Variants in ARL15 observed in about 807,000 individuals in gnomAD.
ARL15 encodes ARF like GTPase 15.
In ARL15, 19 loss-of-function variants were observed where a neutral mutation model predicts 25.2. The observed-to-expected ratio is 0.75, with a 90% CI of 0.53 to 1.10. ARL15 has a LOEUF of 1.10. ARL15 is among the 50% of genes least tolerant of loss of function. ARL15 has a pLI of 0.00. For missense variants in ARL15, 220 were observed against 246.0 expected, an observed-to-expected ratio of 0.89 and a Z score of 0.71; for synonymous variants, 94 against 86.8, an observed-to-expected ratio of 1.08 and a Z score of -0.46.
rs147640948 is a variant in ARL15 at position 54,247,966 on chromosome 5, C to T, written c.48+62466G>A. Among the ~76,000 whole-genome samples the T allele has an allele frequency of 3.2e-4, 49 of 151,690 alleles. No individual in the cohort carries two copies. In the East Asian group the frequency reaches 7.6e-3, roughly 23 times the overall value. ...AAGATGATGGAGCTTTTTTACAGCA[C>T]GAAGACAAAAATTCCTAGCTTTGGA... On this transcript the variant is annotated intron_variant, in intron 1 of 4. Coordinates refer to ENST00000504924, the MANE Select transcript of ARL15 (RefSeq NM_019087.3).
intron 4 of ARL15, among the ~76,000 whole-genome samples, chr5:54,028,264 G>A (rs1349485994): frequency 1.3e-5 from 2 of 151,968 alleles, no homozygotes; most frequent in African/African-American, 2.4e-5. Context: ...TTATATAAAT[G>A]ATGAATCATT....
At position 54,215,515 on chromosome 5, in the gene ARL15, G is replaced by GA. The variant is rs956155110; in HGVS notation, c.49-43588dup. 6.1e-5 allele frequency among the ~76,000 whole-genome samples: 9 copies of GA among 148,196 alleles called. 1 individual carries two copies. Among genetic ancestry groups the GA allele is most frequent in the African/African-American group, 2.2e-4 (9 of 40,368 alleles). On this transcript the variant is annotated intron_variant, in intron 1 of 4. Transcript: ENST00000504924. ...TCAAAGCACATGCTAATGCTATCAT[G>GA]AAGTCATACACATAAAAAATTCAAT...
intron 1 of ARL15, among the ~76,000 whole-genome samples, chr5:54,304,691 T>C (rs1436546679): frequency 6.6e-6 from 1 of 152,222 alleles, no homozygotes; most frequent in African/African-American, 2.4e-5. Context: ...ATTTTTATCT[T>C]ATAAATTATT....
chr5:54,160,174 TCTAA>T (rs752902667), intron 2 of ARL15, among the ~76,000 whole-genome samples: 1 of 152,238 alleles, frequency 6.6e-6, no homozygotes, highest in African/African-American at 2.4e-5. Context: ...ACGAAATTCT[TCTAA>T]CTATGATTTC....
At chr5:53,951,847 A>ATTTT (rs59369848) in intron 4 of ARL15, among the ~76,000 whole-genome samples, 1 of 98,236 alleles carries the variant, frequency 1.0e-5, no homozygotes. Flanking sequence ...ACATAAAAGA[A>ATTTT]TTTTTTTTTT....
intron 3 of ARL15, among the ~76,000 whole-genome samples, chr5:54,125,455 C>T (rs1753218568): frequency 6.6e-6 from 1 of 152,154 alleles, no homozygotes; most frequent in Admixed American, 6.5e-5. Flanking sequence ...CAGTCTAACG[C>T]TGCCCCCACA....
chr5:53,916,423 A>C (rs977247551), intron 4 of ARL15, among the ~76,000 whole-genome samples: 1 of 134,178 alleles, frequency 7.5e-6, no homozygotes, highest in Non-Finnish European at 1.6e-5. Flanking sequence ...CTGGGTGACA[A>C]AATGATTTGT....
intron 3 of ARL15, among the ~76,000 whole-genome samples, chr5:54,132,186 T>C (rs1331358313): frequency 6.6e-6 from 1 of 152,124 alleles, no homozygotes; most frequent in Non-Finnish European, 1.5e-5. Flanking sequence ...AATATGTATA[T>C]GGATGAACAC....
chr5:54,172,069 A>G (rs778010917), intron 1 of ARL15, 141 bp from the exon 2 acceptor site: 8 of 1,022,572 alleles, frequency 7.8e-6, no homozygotes, highest in Non-Finnish European at 1.1e-5. Flanking sequence ...TAACTTTAGA[A>G]CAGTGAAACC....
chr5:54,256,167 A>G (rs1757355868), intron 1 of ARL15, among the ~76,000 whole-genome samples: 1 of 152,112 alleles, frequency 6.6e-6, no homozygotes, highest in African/African-American at 2.4e-5. Context: ...CATTAGCTAC[A>G]CTAACCAAGA....
intron 1 of ARL15, among the ~76,000 whole-genome samples, chr5:54,305,653 T>G (rs1179599252): frequency 6.6e-6 from 1 of 152,188 alleles, no homozygotes; most frequent in African/African-American, 2.4e-5. Context: ...AAGTTTAATG[T>G]GTAAATTAGG....
intron 4 of ARL15, among the ~76,000 whole-genome samples, chr5:54,069,754 TCTC>T (rs1751362829): frequency 1.3e-5 from 2 of 151,292 alleles, no homozygotes; most frequent in Non-Finnish European, 2.9e-5. Context: ...TTCAAGCAAT[TCTC>T]CTGCCTCCTG....
chr5:54,148,988 T>G (rs1021789991), intron 3 of ARL15, among the ~76,000 whole-genome samples: 3 of 152,212 alleles, frequency 2.0e-5, no homozygotes, highest in African/African-American at 7.2e-5. Context: ...TACTGGACAT[T>G]TCTAAAATGC....
chr5:54,267,971 T>C lies in ARL15; in HGVS notation c.48+42461A>G, dbSNP rs542276657. ...TTGGAGTTGCTCTTCTCGAGGAGTA[T>C]CTTTGTGGCGTTCTCTGTATTTCCT... On this transcript the variant is annotated intron_variant, in intron 1 of 4. Coordinates refer to ENST00000504924, the MANE Select transcript of ARL15 (RefSeq NM_019087.3). Among the ~76,000 whole-genome samples, 1,427 of 151,896 alleles carry C rather than the reference T, an allele frequency of 9.4e-3. 23 individuals carry two copies. The highest frequency in any genetic ancestry group is 0.033 in the African/African-American group (1,355 of 41,418).
intron 4 of ARL15, among the ~76,000 whole-genome samples, chr5:54,079,450 C>T (rs1433717391): frequency 1.3e-5 from 2 of 152,162 alleles, no homozygotes; most frequent in Non-Finnish European, 2.9e-5. Flanking sequence ...CAAACCTACA[C>T]AATGTCAACA....
At chr5:54,109,332 C>T (rs976919140) in intron 4 of ARL15, among the ~76,000 whole-genome samples, 4 of 151,906 alleles carry the variant, frequency 2.6e-5, no homozygotes, top group African/African-American at 7.2e-5. Flanking sequence ...TATACTATTT[C>T]TGAAAAAGTT....
Position 53,886,658 on chromosome 5 carries a change from T to C in ARL15, c.518A>G (p.Gln173Arg). 1.3e-6 allele frequency: 2 copies of C among 1,576,530 alleles called. No homozygotes were observed. Among genetic ancestry groups the C allele is most frequent in the Non-Finnish European group, 8.6e-7 (1 of 1,159,610 alleles). Residue 173 changes from glutamine (Q) to arginine (R), a missense_variant, in exon 5 of 5, where the codon CAG (glutamine) becomes CGG (arginine). By Grantham distance (43) the Gln-to-Arg change is conservative. Coordinates refer to ENST00000504924, the MANE Select transcript of ARL15 (RefSeq NM_019087.3). Reference protein sequence around the residue: ...PLARGKRWILQPCSLDDMDAL... With the variant: ...PLARGKRWILRPCSLDDMDAL... ...ATCCATGTCATCCAGTGAGCAGGGC[T>C]GTAGAATCCAGCGTTTTCCACGTGC...
intron 3 of ARL15, among the ~76,000 whole-genome samples, chr5:54,123,186 T>G (rs970350420): frequency 6.6e-6 from 1 of 151,894 alleles, no homozygotes; most frequent in Non-Finnish European, 1.5e-5. Flanking sequence ...CTCGGCTCAC[T>G]GCAACCTCTG....
chr5:53,975,025 C>A (rs1477081734), intron 4 of ARL15, among the ~76,000 whole-genome samples: 3 of 152,138 alleles, frequency 2.0e-5, no homozygotes, highest in African/African-American at 2.4e-5. Context: ...ATGAGGGGAA[C>A]CCTGGTATAT....
Sources: allele counts gnomAD v4.1 joint callset (sites outside exome capture counted in the v4.1 genomes callset), GRCh38; gene constraint gnomAD v4.1.1; transcripts MANE v1.5; gene names NCBI Gene and HGNC (gene_info 2026-07-23, HGNC 2026-07-21).